FOXN3: variants seen among roughly 807,000 people sequenced by gnomAD.
FOXN3 encodes forkhead box protein N3.
In FOXN3, 7 loss-of-function variants were observed where a neutral mutation model predicts 38.4. The ratio of observed to expected loss-of-function variants is 0.18; its 90% CI spans 0.10 to 0.34. The LOEUF (loss-of-function observed/expected upper bound fraction) is 0.34. Ranked by LOEUF, FOXN3 falls within the 10% of genes least tolerant of loss-of-function variation. FOXN3 has a pLI of 1.00. For synonymous variants in FOXN3, 230 were observed against 242.2 expected, an observed-to-expected ratio of 0.95 and a Z score of 0.47; for missense variants, 456 against 613.4, an observed-to-expected ratio of 0.74 and a Z score of 2.71.
At chr14:89,568,228 A>G (rs1895406602) in intron 1 of FOXN3, among the ~76,000 whole-genome samples, 1 of 151,974 alleles carries the variant, frequency 6.6e-6, no homozygotes, top group Admixed American at 6.6e-5. Context: ...TCTGTACTTC[A>G]CTTTAGTCCA....
At chr14:89,453,772 T>TC (rs1395174776) in intron 1 of FOXN3, among the ~76,000 whole-genome samples, 1 of 152,122 alleles carries the variant, frequency 6.6e-6, no homozygotes, top group Non-Finnish European at 1.5e-5. Context: ...TATCTGGCAA[T>TC]GTGGATTATA....
At chr14:89,345,258 G>C (rs1265023458) in intron 3 of FOXN3, among the ~76,000 whole-genome samples, 2 of 151,802 alleles carry the variant, frequency 1.3e-5, no homozygotes, top group African/African-American at 2.4e-5. Flanking sequence ...AAGTAGGTCA[G>C]GCAACTCTCA....
chr14:89,295,010 G>C (rs1428347745), intron 3 of FOXN3, among the ~76,000 whole-genome samples: 1 of 152,134 alleles, frequency 6.6e-6, no homozygotes. Flanking sequence ...TTACAGGGCA[G>C]GGTGAGAGCC....
chr14:89,164,011 GCTTC>G lies in FOXN3; in HGVS notation c.852-1046_852-1043del, dbSNP rs1166992286. Reference sequence around the variant, plus strand: ...CATCTGAGCGATGTACTTTCCTTGTGCTTCCTTATCGCGAAAGTGGGAATAGTAA... The same window carrying G: ...CATCTGAGCGATGTACTTTCCTTGTGCTTATCGCGAAAGTGGGAATAGTAA... On this transcript the variant is annotated intron_variant, in intron 5 of 5. Coordinates refer to ENST00000557258, the MANE Select transcript of FOXN3 (RefSeq NM_005197.4). The surrounding 1 kb of genome is among the most constrained non-coding windows in gnomAD (Gnocchi z 4.3). 6.6e-6 allele frequency among the ~76,000 whole-genome samples: 1 copy of G among 152,216 alleles called. No homozygotes were observed. Among genetic ancestry groups the G allele is most frequent in the Non-Finnish European group, 1.5e-5 (1 of 68,046 alleles).
chr14:89,376,018 A>T (rs1489434618), intron 2 of FOXN3, among the ~76,000 whole-genome samples: 1 of 152,090 alleles, frequency 6.6e-6, no homozygotes, highest in Non-Finnish European at 1.5e-5. Context: ...CCTGACCTCA[A>T]ATGATCCACC....
chr14:89,171,541 T>TA (rs558894423), intron 5 of FOXN3, among the ~76,000 whole-genome samples: 2 of 151,888 alleles, frequency 1.3e-5, no homozygotes, highest in Admixed American at 6.6e-5. Context: ...CAGTAATATG[T>TA]AAAAAAAAGT....
intron 1 of FOXN3, among the ~76,000 whole-genome samples, chr14:89,531,800 CTTGTTTTGTTTTGTT>C (rs10550578): frequency 2.0e-5 from 3 of 151,156 alleles, no homozygotes; most frequent in Non-Finnish European, 4.4e-5. Flanking sequence ...GCCAGTGGTT[CTTGTTTTGTTTTGTT>C]TTGTTTTGTT....
chr14:89,283,510 C>T (rs1415783499), intron 3 of FOXN3, among the ~76,000 whole-genome samples: 3 of 152,158 alleles, frequency 2.0e-5, no homozygotes, highest in African/African-American at 7.2e-5. Flanking sequence ...CATGAAATTA[C>T]TTAGAAGTGT....
At chr14:89,477,180 A>AC (rs1401745557) in intron 1 of FOXN3, among the ~76,000 whole-genome samples, 1 of 151,522 alleles carries the variant, frequency 6.6e-6, no homozygotes, top group Non-Finnish European at 1.5e-5. Context: ...TGTGTCCCCC[A>AC]CCCCCTTAGA....
chr14:89,492,164 G>A (rs1893588987), intron 1 of FOXN3, among the ~76,000 whole-genome samples: 2 of 152,170 alleles, frequency 1.3e-5, no homozygotes. Context: ...AGTTTTCCAA[G>A]GTCCTTCAAA....
chr14:89,315,120 G>C lies in FOXN3; in HGVS notation c.681-34106C>G, dbSNP rs920830456. Among the ~76,000 whole-genome samples, 10 of 151,886 alleles carry C rather than the reference G, an allele frequency of 6.6e-5. No homozygotes were observed. In the South Asian group the frequency reaches 8.3e-4, roughly 13 times the overall value. On this transcript the variant is annotated intron_variant, in intron 3 of 5. Coordinates refer to ENST00000557258, the MANE Select transcript of FOXN3 (RefSeq NM_005197.4). ...CCTGGCTCAGACAAACAAAGAGAAGGGGGTGATAAATGTGTCTTTGATGCC... is the reference window on the plus strand; with the variant it reads ...CCTGGCTCAGACAAACAAAGAGAAGCGGGTGATAAATGTGTCTTTGATGCC...
intron 2 of FOXN3, among the ~76,000 whole-genome samples, chr14:89,363,501 T>C (rs1889960804): frequency 2.0e-5 from 1 of 49,472 alleles, no homozygotes. Flanking sequence ...GCTAACTTGC[T>C]GTGTTACTGG....
chr14:89,513,905 TACACAC>T (rs58182379), intron 1 of FOXN3, among the ~76,000 whole-genome samples: 4,131 of 149,584 alleles, frequency 0.028, 74 homozygotes, highest in Non-Finnish European at 0.038. Flanking sequence ...CTTTCTCTCT[TACACAC>T]ACACACACAC....
chr14:89,523,718 T>C (rs1177771608), intron 1 of FOXN3, among the ~76,000 whole-genome samples: 3 of 151,988 alleles, frequency 2.0e-5, no homozygotes, highest in Non-Finnish European at 4.4e-5. Flanking sequence ...AATTTAAATA[T>C]CTGTATTCGA....
At chr14:89,495,937 C>A (rs528854363) in intron 1 of FOXN3, among the ~76,000 whole-genome samples, 1 of 152,216 alleles carries the variant, frequency 6.6e-6, no homozygotes, top group Admixed American at 6.5e-5. Flanking sequence ...TAAGCATGCT[C>A]ACAATGCAGT....
intron 5 of FOXN3, among the ~76,000 whole-genome samples, chr14:89,180,171 C>A (rs1489269509): frequency 2.0e-5 from 3 of 152,322 alleles, no homozygotes; most frequent in South Asian, 2.1e-4. Flanking sequence ...AGGGTTCATG[C>A]GGTTTGGCAG....
chr14:89,532,280 C>G (rs392888), intron 1 of FOXN3, among the ~76,000 whole-genome samples: 111,417 of 152,124 alleles, frequency 0.73, 41,251 homozygotes, highest in Admixed American at 0.81. Flanking sequence ...AGTTATGGAA[C>G]AATATTTTAA....
At chr14:89,212,739 T>C (rs2139833240) in intron 4 of FOXN3, among the ~76,000 whole-genome samples, 1 of 152,294 alleles carries the variant, frequency 6.6e-6, no homozygotes, top group South Asian at 2.1e-4. Flanking sequence ...CCCCTTAAAC[T>C]ACTTATCACT....
At position 89,484,102 on chromosome 14, in the gene FOXN3, T is replaced by C. The variant is rs1893396687; in HGVS notation, c.-14-71612A>G. Among the ~76,000 whole-genome samples the C allele has an allele frequency of 6.6e-6, 1 of 152,166 alleles. No individual in the cohort carries two copies. Among genetic ancestry groups the C allele is most frequent in the Non-Finnish European group, 1.5e-5 (1 of 68,022 alleles). ...TGTTGCATCTAGGTTTTATTTTAAG[T>C]TAAAGAGATGAATGGAAATATCCAA... On this transcript the variant is annotated intron_variant, in intron 1 of 6. Transcript: ENST00000345097. The surrounding 1 kb of genome is among the most constrained non-coding windows in gnomAD (Gnocchi z 4.0).
Sources: allele counts gnomAD v4.1 joint callset (sites outside exome capture counted in the v4.1 genomes callset), GRCh38; gene constraint gnomAD v4.1.1; non-coding constraint Gnocchi (gnomAD v3.1); transcripts MANE v1.5; gene names NCBI Gene and HGNC (gene_info 2026-07-23, HGNC 2026-07-21).